The following ACMSD variants were observed in gnomAD, a reference collection of about 807,000 sequenced individuals.
The protein encoded by ACMSD is aminocarboxymuconate semialdehyde decarboxylase.
ACMSD carries 37 observed loss-of-function variants against 45.9 expected under a neutral mutation model. That is an observed-to-expected ratio of 0.81 (90% confidence interval 0.62 to 1.06). The LOEUF (loss-of-function observed/expected upper bound fraction) is 1.06. Among genes scored for constraint, ACMSD ranks in the 50% least tolerant of loss-of-function variants. The probability of loss-of-function intolerance (pLI) is 0.00; values close to 1 mark genes in which losing one functional copy is unlikely to be tolerated. For missense variants in ACMSD, 434 were observed against 420.9 expected, an observed-to-expected ratio of 1.03 and a Z score of -0.27; for synonymous variants, 138 against 148.8, an observed-to-expected ratio of 0.93 and a Z score of 0.53.
At chr2:134,862,868 A>T (rs1014933327) in intron 4 of ACMSD, 2 of 684,454 alleles carry the variant, frequency 2.9e-6, no homozygotes, top group African/African-American at 3.9e-5. Flanking sequence ...ACCAACAGTA[A>T]ACTTCAACTG....
At chr2:134,862,074 CA>C in intron 4 of ACMSD, 56 bp downstream of exon 4, 1 of 1,598,352 alleles carries the variant, frequency 6.3e-7, no homozygotes, top group Non-Finnish European at 8.6e-7. Flanking sequence ...GTTGAGCTCC[CA>C]AAAAGTGAAC....
chr2:134,867,695 G>C, intron 6 of ACMSD, 23 bp downstream of exon 6: 19 of 1,597,786 alleles, frequency 1.2e-5, no homozygotes, highest in Non-Finnish European at 1.6e-5. Flanking sequence ...GTGGGGTCTG[G>C]AACAGAGGAC....
chr2:134,894,155 T>C (rs1689958506), intron 8 of ACMSD, among the ~76,000 whole-genome samples: 1 of 151,674 alleles, frequency 6.6e-6, no homozygotes, highest in Non-Finnish European at 1.5e-5. Flanking sequence ...AGAAAAACAA[T>C]AGGGAAAATC....
At chr2:134,878,485 G>A (rs543881848) in intron 8 of ACMSD, among the ~76,000 whole-genome samples, 23 of 152,076 alleles carry the variant, frequency 1.5e-4, no homozygotes, top group Admixed American at 5.9e-4. Context: ...TGCCACCACA[G>A]CTGGCTAATT....
At chr2:134,885,319 A>AT (rs35092050) in intron 8 of ACMSD, among the ~76,000 whole-genome samples, 2,610 of 103,106 alleles carry the variant, frequency 0.025, 86 homozygotes, top group South Asian at 0.072. Flanking sequence ...ATATATATAT[A>AT]AATATATATG....
chr2:134,865,099 T>C (rs1688035874), intron 5 of ACMSD, among the ~76,000 whole-genome samples: 1 of 152,254 alleles, frequency 6.6e-6, no homozygotes. Flanking sequence ...CATTTACTCA[T>C]TTAGTATTTA....
At position 134,879,779 on chromosome 2, in the gene ACMSD, C is replaced by T. The variant is rs12618930; in HGVS notation, c.849+7138C>T. Among the ~76,000 whole-genome samples, 3,066 of 152,302 alleles carry T rather than the reference C, an allele frequency of 0.02. 225 individuals are homozygous for T. The East Asian group carries it at 0.29, about 14-fold the overall frequency. ...CAGTACATTCAGACGCATAGACTAACACTAGTCCATTAATTCTGTGTTCTT... is the reference window on the plus strand; with the variant it reads ...CAGTACATTCAGACGCATAGACTAATACTAGTCCATTAATTCTGTGTTCTT... On this transcript the variant is annotated intron_variant, in intron 8 of 9. Coordinates refer to ENST00000356140, the MANE Select transcript of ACMSD (RefSeq NM_138326.3).
intron 4 of ACMSD, 114 bp downstream of exon 4, chr2:134,862,132 C>A: frequency 9.1e-7 from 1 of 1,094,784 alleles, no homozygotes. Context: ...CCCCCAACAA[C>A]TGTCCTCCCC....
intron 8 of ACMSD, among the ~76,000 whole-genome samples, chr2:134,889,912 A>G (rs746957099): frequency 6.6e-6 from 1 of 152,156 alleles, no homozygotes; most frequent in Non-Finnish European, 1.5e-5. Flanking sequence ...ATATAAATAA[A>G]AAGAATGAAT....
intron 3 of ACMSD, among the ~76,000 whole-genome samples, chr2:134,860,991 C>G (rs1687823732): frequency 1.3e-5 from 2 of 151,922 alleles, no homozygotes; most frequent in African/African-American, 2.4e-5. Flanking sequence ...GATTGCACCA[C>G]TACACTCCAG....
At chr2:134,866,369 T>G (rs1174889782) in intron 5 of ACMSD, among the ~76,000 whole-genome samples, 1 of 152,214 alleles carries the variant, frequency 6.6e-6, no homozygotes, top group East Asian at 1.9e-4. Flanking sequence ...CAAATCCCAC[T>G]GAGATACCAT....
At chr2:134,841,840 T>C (rs941149536) in intron 1 of ACMSD, among the ~76,000 whole-genome samples, 7 of 152,214 alleles carry the variant, frequency 4.6e-5, no homozygotes, top group Admixed American at 1.3e-4. Context: ...CTTCTTTTGT[T>C]AGCAATTGCA....
At chr2:134,895,279 G>A (rs1487075382) in intron 8 of ACMSD, among the ~76,000 whole-genome samples, 1 of 140,544 alleles carries the variant, frequency 7.1e-6, no homozygotes, top group Non-Finnish European at 1.5e-5. Context: ...CTCCAGCCTG[G>A]GCAACAGAGT....
intron 3 of ACMSD, chr2:134,859,688 A>T (rs1270151459): frequency 5.6e-6 from 1 of 179,594 alleles, no homozygotes; most frequent in Non-Finnish European, 1.2e-5. Context: ...AAAAACTGGA[A>T]ATCACAAAAC....
At chr2:134,880,427 G>C (rs1183865594) in intron 8 of ACMSD, among the ~76,000 whole-genome samples, 1 of 151,882 alleles carries the variant, frequency 6.6e-6, no homozygotes, top group Non-Finnish European at 1.5e-5. Context: ...TTTCTCTCTA[G>C]AATTCCTATT....
intron 8 of ACMSD, among the ~76,000 whole-genome samples, chr2:134,889,961 TAA>T (rs1689682859): frequency 6.6e-6 from 1 of 152,128 alleles, no homozygotes; most frequent in African/African-American, 2.4e-5. Context: ...TTAATTTACA[TAA>T]GTTAATGTGT....
At chr2:134,862,879 C>A in intron 4 of ACMSD, 1 of 771,082 alleles carries the variant, frequency 1.3e-6, no homozygotes, top group Non-Finnish European at 1.6e-6. Context: ...ACTTCAACTG[C>A]CTCAGCATTT....
chr2:134,874,556 A>G (rs1433148925), intron 8 of ACMSD, among the ~76,000 whole-genome samples: 1 of 152,216 alleles, frequency 6.6e-6, no homozygotes, highest in Non-Finnish European at 1.5e-5. Flanking sequence ...GTCTCTAGAA[A>G]GAAAATAATG....
At chr2:134,858,820 C>T (rs1429435514) in intron 2 of ACMSD, among the ~76,000 whole-genome samples, 1 of 151,418 alleles carries the variant, frequency 6.6e-6, no homozygotes, top group Non-Finnish European at 1.5e-5. Context: ...TCATACACTG[C>T]CATTATCCAT....
Sources: allele counts gnomAD v4.1 joint callset (sites outside exome capture counted in the v4.1 genomes callset), GRCh38; gene constraint gnomAD v4.1.1; transcripts MANE v1.5; gene names NCBI Gene and HGNC (gene_info 2026-07-23, HGNC 2026-07-21).